Variants in CDK5RAP2 observed in about 807,000 individuals in gnomAD.
CDK5RAP2 encodes the protein CDK5 regulatory subunit-associated protein 2.
In CDK5RAP2, 147 loss-of-function variants were observed where a neutral mutation model predicts 232.9. The observed-to-expected ratio is 0.63, with a 90% confidence interval of 0.55 to 0.72. The LOEUF is 0.72. Ranked by LOEUF, CDK5RAP2 falls within the 30% of genes least tolerant of loss-of-function variation. The pLI is 0.00. For synonymous variants in CDK5RAP2, 833 were observed against 833.7 expected (o/e 1.00, Z 0.01); for missense variants, 2,195 against 2,231.5 (o/e 0.98, Z 0.33).
intron 17 of CDK5RAP2, among the ~76,000 whole-genome samples, chr9:120,468,882 A>G (rs932879587): frequency 6.6e-5 from 10 of 152,246 alleles, no homozygotes; most frequent in Admixed American, 6.5e-4. Flanking sequence ...AGCTCTTCAA[A>G]TAACATGGAA....
At chr9:120,437,255 T>C in intron 25 of CDK5RAP2, 40 bp downstream of exon 25, 1 of 1,438,634 alleles carries the variant, frequency 7.0e-7, no homozygotes, top group Non-Finnish European at 9.7e-7. Flanking sequence ...CCTGGGTCAA[T>C]TACTGATGTC....
chr9:120,494,059 T>C (rs2039035128), intron 12 of CDK5RAP2, among the ~76,000 whole-genome samples: 1 of 141,678 alleles, frequency 7.1e-6, no homozygotes, highest in Non-Finnish European at 1.5e-5. Context: ...ACCACTGCAC[T>C]CCAGCCTGGG....
At chr9:120,578,905 A>G (rs1026623239) in intron 1 of CDK5RAP2, among the ~76,000 whole-genome samples, 2 of 152,126 alleles carry the variant, frequency 1.3e-5, no homozygotes, top group Admixed American at 6.6e-5. Flanking sequence ...ACAATAAATA[A>G]CATGGTCACC....
rs189514394 is a variant in CDK5RAP2, at chr9:120,557,301, T to A, written c.196-6399A>T. ...GATCCTTCTTCATGTTTCCACACAC[T>A]CTCTACTTTATCAGAGCAATGCCCA... On this transcript the variant is annotated intron_variant, in intron 3 of 37. Transcript: ENST00000349780. 5.3e-5 allele frequency among the ~76,000 whole-genome samples: 8 copies of A among 152,250 alleles called. No homozygotes were observed. In the East Asian group the frequency reaches 1.4e-3, roughly 26 times the overall value.
intron 13 of CDK5RAP2, among the ~76,000 whole-genome samples, chr9:120,489,952 C>A (rs1432443822): frequency 1.3e-5 from 2 of 152,084 alleles, no homozygotes; most frequent in African/African-American, 4.8e-5. Flanking sequence ...GGATTACAGG[C>A]ATGCACCACC....
At chr9:120,390,821 T>TCG (rs1203567701) in intron 36 of CDK5RAP2, among the ~76,000 whole-genome samples, 1 of 152,220 alleles carries the variant, frequency 6.6e-6, no homozygotes, top group Non-Finnish European at 1.5e-5. Flanking sequence ...TAGGTGTCTG[T>TCG]CGTGTGGTGG....
At chr9:120,470,638 T>C (rs1047061872) in intron 16 of CDK5RAP2, among the ~76,000 whole-genome samples, 4 of 151,436 alleles carry the variant, frequency 2.6e-5, no homozygotes, top group African/African-American at 7.3e-5. Flanking sequence ...GATAAAAGTG[T>C]CTGATCATTT....
intron 14 of CDK5RAP2, among the ~76,000 whole-genome samples, chr9:120,486,409 TAA>T (rs34029371): frequency 4.7e-4 from 62 of 132,824 alleles, no homozygotes; most frequent in Admixed American, 1.1e-3. Context: ...GTTTTTCTTT[TAA>T]AAAAAAAAAA....
intron 35 of CDK5RAP2, among the ~76,000 whole-genome samples, chr9:120,396,996 G>C (rs957742503): frequency 2.0e-5 from 3 of 152,194 alleles, no homozygotes; most frequent in Non-Finnish European, 4.4e-5. Flanking sequence ...ACTCCCTCAA[G>C]ATTTCCGCAA....
At chr9:120,390,264 G>A (rs1204027608) in intron 36 of CDK5RAP2, 1 of 158,522 alleles carries the variant, frequency 6.3e-6, no homozygotes, top group African/African-American at 2.4e-5. Flanking sequence ...GAGGGTCCAA[G>A]TTCTACGAAG....
At chr9:120,392,196 T>C (rs2032049952) in intron 36 of CDK5RAP2, among the ~76,000 whole-genome samples, 1 of 152,180 alleles carries the variant, frequency 6.6e-6, no homozygotes, top group African/African-American at 2.4e-5. Context: ...TAGGTAGCGT[T>C]ATCATCCTTA....
rs376225756 is a variant in CDK5RAP2, at chr9:120,470,187, G to C, written c.1892C>G (p.Ser631Cys). 1.4e-4 allele frequency: 222 copies of C among 1,588,440 alleles called. No homozygotes were observed. The highest frequency in any genetic ancestry group is 1.7e-4 in the Middle Eastern group (1 of 6,008). Residue 631 changes from serine to cysteine, a missense_variant, in exon 17 of 38, where the codon TCT becomes TGT. Ser to Cys is a moderately radical substitution (Grantham distance 112). Transcript: ENST00000349780. ...ESFSLYSDQT[S>C]YLSICLEENN... ...TTCTTCAAGGCAAATACTTAGATAA[G>C]ATGTTTGATCACTATAAAGTGAAAA...
At chr9:120,523,741 T>G (rs562941751) in intron 11 of CDK5RAP2, among the ~76,000 whole-genome samples, 1 of 152,324 alleles carries the variant, frequency 6.6e-6, no homozygotes, top group Admixed American at 6.5e-5. Context: ...GGACTTACTT[T>G]GATGATAAAA....
At chr9:120,398,462 A>G (rs4837765) in intron 35 of CDK5RAP2, among the ~76,000 whole-genome samples, 104,844 of 152,088 alleles carry the variant, frequency 0.69, 36,232 homozygotes, top group East Asian at 0.8. Flanking sequence ...TCAAATTACT[A>G]TGCTTTAGTC....
intron 27 of CDK5RAP2, 122 bp downstream of exon 27, chr9:120,419,666 A>G (rs2034448286): frequency 2.5e-6 from 2 of 808,988 alleles, no homozygotes; most frequent in South Asian, 2.7e-5. Context: ...ATTGGCCCTA[A>G]TGGGATCTCC....
chr9:120,477,559 G>C, intron 14 of CDK5RAP2, 109 bp from the exon 15 acceptor site: 2 of 866,088 alleles, frequency 2.3e-6, no homozygotes, highest in Non-Finnish European at 3.8e-6. Flanking sequence ...TCAAACGAAG[G>C]TGAGAGAGGC....
Position 120,439,506 on chromosome 9 carries a change from C to A in CDK5RAP2, c.3615G>T (p.Gln1205His), listed in dbSNP as rs139851222. The change falls in exon 24 of 38, where the codon CAG (glutamine) becomes CAT (histidine). Residue 1205 changes from glutamine to histidine, a missense_variant. Coordinates refer to ENST00000349780, the MANE Select transcript of CDK5RAP2 (RefSeq NM_018249.6). ...DSRVLENLKQQLEEQEYKLQK... is the reference protein window; with the variant it reads ...DSRVLENLKQHLEEQEYKLQK... ...GCAGCTTGTATTCCTGTTCCTCCAGCTGCTGTTTGAGGTTCTCCAGCACCC... is the reference window on the plus strand; with the variant it reads ...GCAGCTTGTATTCCTGTTCCTCCAGATGCTGTTTGAGGTTCTCCAGCACCC... The A allele has an allele frequency of 5.2e-5, 84 of 1,614,108 alleles. No homozygotes were observed. Among genetic ancestry groups the A allele is most frequent in the Non-Finnish European group, 6.5e-5 (77 of 1,180,024 alleles).
intron 23 of CDK5RAP2, 49 bp from the exon 24 acceptor site, chr9:120,440,021 A>C (rs1588339450): frequency 1.3e-6 from 2 of 1,538,538 alleles, no homozygotes; most frequent in Admixed American, 1.7e-5. Flanking sequence ...TAAAATCCAA[A>C]CCCTCTCTCC....
Position 120,467,971 on chromosome 9 carries a change from C to G in CDK5RAP2, c.1995G>C (p.Lys665Asn). The G allele has an allele frequency of 6.2e-7, 1 of 1,614,000 alleles. No homozygotes were observed. The highest frequency in any genetic ancestry group is 8.5e-7 in the Non-Finnish European group (1 of 1,179,890). ...KKVSDLIQLV[K>N]ELYTDNQHLK... ...GGTGCTGGTTGTCTGTATACAGCTC[C>G]TTCACTAGCTGTATAAGGTCACTGA... is the stretch of plus-strand genomic sequence containing the variant. The change falls in exon 18 of 38, where the codon AAG (lysine) becomes AAC (asparagine). Residue 665 changes from lysine to asparagine, a missense_variant. By Grantham distance (94) the Lys-to-Asn change is moderately conservative. Coordinates refer to ENST00000349780, the MANE Select transcript of CDK5RAP2 (RefSeq NM_018249.6).
Sources: allele counts gnomAD v4.1 joint callset (sites outside exome capture counted in the v4.1 genomes callset), GRCh38; gene constraint gnomAD v4.1.1; transcripts MANE v1.5; gene names NCBI Gene and HGNC (gene_info 2026-07-23, HGNC 2026-07-21).